The following APOOL variants were observed in gnomAD, a reference collection of about 807,000 sequenced individuals.
APOOL encodes the protein apolipoprotein O like, also known as MICOS complex subunit MIC27.
In APOOL, 12 loss-of-function variants were observed where a neutral mutation model predicts 23.1. That is an observed-to-expected ratio of 0.52 (90% CI 0.33 to 0.84). APOOL has a LOEUF of 0.84. Ranked by LOEUF, APOOL falls within the 40% of genes least tolerant of loss-of-function variation. The pLI is 0.02. For missense variants in APOOL, 212 were observed against 199.6 expected (o/e 1.06, Z -0.37); for synonymous variants, 77 against 69.9 (o/e 1.10, Z -0.51).
chrX:85,052,472 A>G (rs1192620933), intron 3 of APOOL, among the ~76,000 whole-genome samples: 1 of 111,632 alleles, frequency 9.0e-6, no homozygotes, highest in Non-Finnish European at 1.9e-5. Flanking sequence ...ATTCTAACCT[A>G]GTAACCATGC....
chrX:85,054,492 A>C, intron 4 of APOOL, 94 bp downstream of exon 4: 1 of 744,728 alleles, frequency 1.3e-6, no homozygotes, highest in Non-Finnish European at 1.9e-6. Context: ...ACCCATTATC[A>C]TGCATTTACC....
chrX:85,017,698 G>C (rs1478831808), intron 1 of APOOL, among the ~76,000 whole-genome samples: 1 of 111,537 alleles, frequency 9.0e-6, no homozygotes, highest in Non-Finnish European at 1.9e-5. Flanking sequence ...GAGACTCTGA[G>C]TGCCTACGAG....
intron 1 of APOOL, among the ~76,000 whole-genome samples, chrX:85,032,258 T>C (rs1268420939): frequency 3.6e-5 from 4 of 112,507 alleles, no homozygotes; most frequent in Non-Finnish European, 7.5e-5. Context: ...CTCATGCCTG[T>C]AATCCCAGCA....
intron 6 of APOOL, among the ~76,000 whole-genome samples, chrX:85,068,701 C>T (rs915735150): frequency 7.2e-5 from 8 of 111,303 alleles, no homozygotes; most frequent in East Asian, 5.6e-4. Context: ...CCACCGTGCC[C>T]GGCCCTGATT....
At chrX:85,017,439 A>G (rs1018101256) in intron 1 of APOOL, among the ~76,000 whole-genome samples, 2 of 111,840 alleles carry the variant, frequency 1.8e-5, no homozygotes, top group African/African-American at 6.5e-5. Flanking sequence ...TAAGAACACA[A>G]GCGCGGCTTT....
intron 4 of APOOL, 119 bp downstream of exon 4, chrX:85,054,517 T>G (rs1922892738): frequency 4.2e-6 from 2 of 475,329 alleles, no homozygotes; most frequent in Non-Finnish European, 6.5e-6. Flanking sequence ...CAGAAGGTAC[T>G]CTCTATAGCA....
intron 6 of APOOL, among the ~76,000 whole-genome samples, chrX:85,068,434 C>G (rs1181698607): frequency 2.3e-5 from 2 of 86,365 alleles, no homozygotes; most frequent in Non-Finnish European, 4.4e-5. Flanking sequence ...GAGATGGGGT[C>G]TTTCTCTGTC....
At chrX:85,014,167 G>T (rs975637638) in intron 1 of APOOL, among the ~76,000 whole-genome samples, 1 of 111,423 alleles carries the variant, frequency 9.0e-6, no homozygotes, top group African/African-American at 3.3e-5. Flanking sequence ...GTGTCCATCT[G>T]CATGGACTAT....
At chrX:85,074,478 G>A (rs1923778147) in intron 8 of APOOL, 87 bp downstream of exon 8, 1 of 1,007,242 alleles carries the variant, frequency 9.9e-7, no homozygotes, top group African/African-American at 1.9e-5. Context: ...CTTAAGATGT[G>A]TTCTCCCCAT....
At position 85,093,299 on chromosome X, in the gene APOOL, T is replaced by C; in HGVS notation, c.*5621T>C. 1 of 979,596 alleles carries C rather than the reference T, an allele frequency of 1.0e-6. No homozygotes were observed. Among genetic ancestry groups the C allele is most frequent in the Non-Finnish European group, 1.4e-6 (1 of 712,235 alleles). 80.7% of individuals were successfully genotyped at this position (979,596 alleles called of 1,213,427 possible). ...GTTATTTGCTTTAGTTTAAAATAAA[T>C]AATATCTAAAACTCTGTATCTGTTT... On this transcript the variant is annotated 3_prime_UTR_variant, in exon 9 of 9. Coordinates refer to ENST00000373173, the MANE Select transcript of APOOL (RefSeq NM_198450.6).
intron 1 of APOOL, among the ~76,000 whole-genome samples, chrX:85,035,479 C>G (rs753163855): frequency 9.0e-6 from 1 of 111,032 alleles, no homozygotes; most frequent in South Asian, 3.8e-4. Context: ...TCAATTTTTG[C>G]TTTTGTTGGA....
intron 8 of APOOL, among the ~76,000 whole-genome samples, chrX:85,081,344 A>T (rs1924092028): frequency 9.0e-6 from 1 of 111,422 alleles, no homozygotes; most frequent in Non-Finnish European, 1.9e-5. Flanking sequence ...TCCTTCACTT[A>T]TAAAGCTTAG....
chrX:85,023,163 T>C, intron 1 of APOOL, among the ~76,000 whole-genome samples: 1 of 111,936 alleles, frequency 8.9e-6, no homozygotes, highest in Non-Finnish European at 1.9e-5. Flanking sequence ...AACAACATGA[T>C]CTTTATATAC....
At chrX:85,042,784 G>T (rs1405213940) in intron 1 of APOOL, among the ~76,000 whole-genome samples, 2 of 112,040 alleles carry the variant, frequency 1.8e-5, no homozygotes, top group Non-Finnish European at 3.8e-5. Context: ...TTCAGCATAT[G>T]CAGATCAGTT....
Position 85,074,261 on chromosome X carries a change from G to A in APOOL, c.601-13G>A. 1 of 1,209,540 alleles carries A rather than the reference G, an allele frequency of 8.3e-7. No individual in the cohort carries two copies. Among genetic ancestry groups the A allele is most frequent in the Non-Finnish European group, 1.1e-6 (1 of 894,530 alleles). On this transcript the variant is annotated splice_polypyrimidine_tract_variant and intron_variant, in intron 7 of 8. Coordinates refer to ENST00000373173, the MANE Select transcript of APOOL (RefSeq NM_198450.6). ...TGATTTACTTATGAAGGAAAAATCT[G>A]TTTGGTAAACAGCTAGGATCCTCTT...
intron 6 of APOOL, among the ~76,000 whole-genome samples, chrX:85,068,824 A>G (rs1340527110): frequency 8.9e-6 from 1 of 111,795 alleles, no homozygotes; most frequent in African/African-American, 3.2e-5. Context: ...ACAACCCAAA[A>G]TGCATCTATC....
intron 3 of APOOL, among the ~76,000 whole-genome samples, chrX:85,053,793 G>A (rs1417460900): frequency 9.0e-6 from 1 of 111,534 alleles, no homozygotes; most frequent in African/African-American, 3.2e-5. Flanking sequence ...GAGAATTTAT[G>A]TTCCGATTTA....
At chrX:85,029,436 A>G (rs370629773) in intron 1 of APOOL, among the ~76,000 whole-genome samples, 13 of 112,185 alleles carry the variant, frequency 1.2e-4, no homozygotes, top group African/African-American at 3.9e-4. Context: ...CAAATGTTCA[A>G]TAATTGCTAG....
intron 8 of APOOL, among the ~76,000 whole-genome samples, chrX:85,086,944 C>T (rs939606525): frequency 5.4e-5 from 6 of 110,167 alleles, no homozygotes; most frequent in Non-Finnish European, 9.5e-5. Context: ...CGTGATCCGC[C>T]CGTCTCGGCC....
Sources: gnomAD v4.1 joint callset for allele counts (sites outside exome capture counted in the v4.1 genomes callset) on GRCh38, gnomAD v4.1.1 for gene constraint, MANE v1.5 for transcripts, NCBI Gene and HGNC (gene_info 2026-07-23, HGNC 2026-07-21) for gene names.